The following ISLR2 variants were observed in gnomAD, a reference collection of about 807,000 sequenced individuals.
The protein encoded by ISLR2 is immunoglobulin superfamily containing leucine rich repeat 2, also known as immunoglobulin superfamily containing leucine-rich repeat protein 2.
Under a neutral mutation model 25.5 loss-of-function variants are expected in ISLR2, and 16 were observed. The observed-to-expected ratio is 0.63, with a 90% CI of 0.43 to 0.95. The LOEUF (loss-of-function observed/expected upper bound fraction) is 0.95, where lower values mean the gene tolerates loss of function less well. Ranked by LOEUF, ISLR2 falls within the 40% of genes least tolerant of loss-of-function variation. The pLI is 0.00. For synonymous variants in ISLR2, 508 were observed against 486.6 expected, an observed-to-expected ratio of 1.04 and a Z score of -0.58; for missense variants, 883 against 1,030.7, an observed-to-expected ratio of 0.86 and a Z score of 1.96.
chr15:74,120,078 T>C (rs1459048873), intron 2 of ISLR2, among the ~76,000 whole-genome samples: 1 of 152,166 alleles, frequency 6.6e-6, no homozygotes, highest in Non-Finnish European at 1.5e-5. Context: ...TGCCAGGGCA[T>C]CAGCAAGAAA....
chr15:74,136,623 G>A lies in ISLR2; in HGVS notation c.*1631G>A, dbSNP rs2072571221. 1 of 158,338 alleles carries A rather than the reference G, an allele frequency of 6.3e-6. No individual in the cohort carries two copies. Among genetic ancestry groups the A allele is most frequent in the East Asian group, 1.9e-4 (1 of 5,166 alleles). The allele number at this position is 158,338 out of a possible 1,614,324, so 9.8% of individuals were successfully genotyped here. ...GGCGCGGCGCGGCGACTCGGGGCGG[G>A]GTTCTTTTTTCCATTTTGAAAGAAA... On this transcript the variant is annotated 3_prime_UTR_variant, in exon 3 of 3. Transcript: ENST00000453268.
At chr15:74,104,058 T>G (rs1422597483) in intron 2 of ISLR2, 1 of 152,188 alleles carries the variant, frequency 6.6e-6, no homozygotes, top group East Asian at 1.9e-4. Flanking sequence ...GCCCAGACAG[T>G]AGTATACAGG....
At chr15:74,104,930 G>A (rs1595935384) in intron 2 of ISLR2, among the ~76,000 whole-genome samples, 1 of 108,282 alleles carries the variant, frequency 9.2e-6, no homozygotes, top group Non-Finnish European at 1.9e-5. Context: ...ATGTTATGTG[G>A]CCCGTTGAAA....
intron 1 of ISLR2, chr15:74,103,842 AC>A (rs2072099366): frequency 2.1e-5 from 3 of 146,152 alleles, no homozygotes; most frequent in Non-Finnish European, 3.0e-5. Flanking sequence ...TGATTTTATT[AC>A]AGGCTTTCCC....
At position 74,134,401 on chromosome 15, in the gene ISLR2, C is replaced by T. The variant is rs1299471633; in HGVS notation, c.1647C>T (p.Gly549=). 8.7e-6 allele frequency: 14 copies of T among 1,610,702 alleles called. No homozygotes were observed. The East Asian group carries it at 2.5e-4, about 28-fold the overall frequency. ...AAVQWSRVEE[G]VNAYWFRGLR... The stretch of plus-strand genomic sequence containing the variant: ...TGCAGTGGTCCCGCGTAGAGGAAGG[C>T]GTCAACGCCTACTGGTTCCGCGGCC... The change falls in exon 3 of 3, where the codon GGC becomes GGT. Residue 549 remains glycine (G), a synonymous_variant. Transcript: ENST00000453268.
At chr15:74,138,186 T>C (rs187150106), downstream of ISLR2, 3 of 152,262 alleles carry the variant, frequency 2.0e-5, no homozygotes, top group East Asian at 5.8e-4. Flanking sequence ...CTTGTTTTAT[T>C]GCTTGCCCTC....
Position 74,134,058 on chromosome 15 carries a change from C to G in ISLR2, c.1304C>G (p.Pro435Arg), listed in dbSNP as rs1220080686. 3 of 1,613,648 alleles carry G rather than the reference C, an allele frequency of 1.9e-6. No homozygotes were observed. Among genetic ancestry groups the G allele is most frequent in the East Asian group, 2.2e-5 (1 of 44,862 alleles). ...ATTCTCGGGGAGACCGAGACGGAGC[C>G]GGAGGAGGACACAAGTGAGGGAGAG... ...VSILGETETE[P>R]EEDTSEGEEA... Residue 435 changes from proline (P) to arginine (R), a missense_variant, in exon 3 of 3, where the codon CCG becomes CGG. Around this residue, in one of 2 missense-constraint regions of ISLR2, gnomAD observed 612 missense variants for 642.8 expected, o/e 0.95. Transcript: ENST00000453268.
chr15:74,113,768 C>T (rs2072189208), intron 2 of ISLR2, among the ~76,000 whole-genome samples: 1 of 152,210 alleles, frequency 6.6e-6, no homozygotes, highest in African/African-American at 2.4e-5. Context: ...CTGGGATATT[C>T]ATCAAGACCT....
intron 2 of ISLR2, among the ~76,000 whole-genome samples, chr15:74,116,161 C>G (rs541865161): frequency 1.3e-4 from 20 of 152,294 alleles, no homozygotes; most frequent in Admixed American, 3.3e-4. Flanking sequence ...TGTGCCACTG[C>G]ACTCCAGCCT....
downstream of ISLR2, among the ~76,000 whole-genome samples, chr15:74,138,974 A>T (rs967976321): frequency 6.6e-6 from 1 of 152,126 alleles, no homozygotes; most frequent in African/African-American, 2.4e-5. Flanking sequence ...TCATCTGGTC[A>T]TGGGTCTCTT....
In ISLR2 at chr15:74,133,617, T is replaced by C. The variant is rs767660029; in HGVS notation, c.863T>C (p.Leu288Pro). ...GGTVVLEPPV[L>P]SGEDDGVGAE... is the part of the protein sequence containing the mutation. Reference sequence around the variant, plus strand: ...ACCGTAGTCTTAGAGCCACCGGTTCTGAGCGGGGAGGACGACGGGGTTGGG... The same window carrying C: ...ACCGTAGTCTTAGAGCCACCGGTTCCGAGCGGGGAGGACGACGGGGTTGGG... The change falls in exon 3 of 3, where the codon CTG (leucine) becomes CCG (proline). Residue 288 changes from leucine (L) to proline (P), a missense_variant. Transcript: ENST00000453268. 5 of 1,614,008 alleles carry C rather than the reference T, an allele frequency of 3.1e-6. No homozygotes were observed. The highest frequency in any genetic ancestry group is 3.3e-5 in the Admixed American group (2 of 60,024).
intron 2 of ISLR2, among the ~76,000 whole-genome samples, chr15:74,107,209 C>T (rs554592061): frequency 1.3e-5 from 2 of 152,308 alleles, no homozygotes; most frequent in East Asian, 3.9e-4. Flanking sequence ...GGAGAAGTTG[C>T]TCCACCTGCT....
downstream of ISLR2, among the ~76,000 whole-genome samples, chr15:74,138,101 T>A (rs2072587819): frequency 6.6e-6 from 1 of 152,172 alleles, no homozygotes; most frequent in Non-Finnish European, 1.5e-5. Context: ...CCAGTCATTT[T>A]CTGTTTGGAC....
downstream of ISLR2, among the ~76,000 whole-genome samples, chr15:74,137,014 C>T (rs2072576920): frequency 6.6e-6 from 1 of 152,130 alleles, no homozygotes; most frequent in South Asian, 2.1e-4. Flanking sequence ...TGACAAAAAA[C>T]GAGGGCAGGC....
chr15:74,126,372 T>TTTTTTTTTTA (rs2072296855), upstream of ISLR2: 1 of 139,606 alleles, frequency 7.2e-6, no homozygotes, highest in African/African-American at 2.8e-5. Context: ...TTTTTTTTTT[T>TTTTTTTTTTA]GAGACAGAGT....
intron 2 of ISLR2, among the ~76,000 whole-genome samples, chr15:74,106,200 G>T (rs2072118519): frequency 6.6e-6 from 1 of 152,090 alleles, no homozygotes; most frequent in African/African-American, 2.4e-5. Flanking sequence ...CAAGAAAAGT[G>T]CTCAGATGCA....
rs2072488966 is a variant in ISLR2 at position 74,133,757 on chromosome 15, C to G, written c.1003C>G (p.Leu335Val). Residue 335 changes from leucine to valine, a missense_variant, in exon 3 of 3, where the codon CTC becomes GTC. Physicochemically the swap from Leu to Val is conservative, Grantham distance 32. This residue lies in a region of ISLR2 where 612 missense variants were observed against 642.8 expected (regional missense o/e 0.95). Transcript: ENST00000453268. The stretch of plus-strand genomic sequence containing the variant: ...CCCAGCCACACCGCGCTTCCTGGCC[C>G]TCGCAAATGGCTCCCTGTTGGTGCC... ...APPATPRFLA[L>V]ANGSLLVPLL... 1.2e-6 allele frequency: 2 copies of G among 1,613,604 alleles called. No homozygotes were observed. The highest frequency in any genetic ancestry group is 1.7e-6 in the Non-Finnish European group (2 of 1,179,804).
intron 2 of ISLR2, among the ~76,000 whole-genome samples, chr15:74,112,917 T>A (rs2072180780): frequency 6.8e-6 from 1 of 146,738 alleles, no homozygotes; most frequent in Non-Finnish European, 1.5e-5. Context: ...AACCTGCACC[T>A]CCCAGGCCCA....
At chr15:74,109,937 G>C (rs1330916693) in intron 2 of ISLR2, among the ~76,000 whole-genome samples, 2 of 152,106 alleles carry the variant, frequency 1.3e-5, no homozygotes, top group Non-Finnish European at 2.9e-5. Context: ...TGAAACCATA[G>C]ACGCATGCCA....
Sources: allele counts gnomAD v4.1 joint callset (sites outside exome capture counted in the v4.1 genomes callset), GRCh38; gene constraint gnomAD v4.1.1; regional missense constraint gnomAD v4.1.1; transcripts MANE v1.5; gene names NCBI Gene and HGNC (gene_info 2026-07-23, HGNC 2026-07-21).